The following FAM120B variants were observed in gnomAD, a reference collection of about 807,000 sequenced individuals.
The protein encoded by FAM120B is family with sequence similarity 120 member B.
Under a neutral mutation model 96.3 loss-of-function variants are expected in FAM120B, and 83 were observed. The observed-to-expected ratio is 0.86, with a 90% CI of 0.72 to 1.03. The LOEUF (loss-of-function observed/expected upper bound fraction) is 1.03, where lower values mean the gene tolerates loss of function less well. FAM120B is among the 50% of genes least tolerant of loss of function. The pLI, the probability that FAM120B is intolerant of heterozygous loss-of-function variation, is 0.00. For synonymous variants in FAM120B, 407 were observed against 402.7 expected (o/e 1.01, Z -0.13); for missense variants, 1,027 against 1,121.2 (o/e 0.92, Z 1.20).
rs1377074628 is a variant in FAM120B, at chr6:170,317,646, A to T, written c.256A>T (p.Ile86Leu). The change falls in exon 2 of 11, where the codon ATA (isoleucine) becomes TTA (leucine). Residue 86 changes from isoleucine to leucine, a missense_variant. Physicochemically the swap from Ile to Leu is conservative, Grantham distance 5. This residue lies in a region of FAM120B where 880 missense variants were observed against 980.9 expected (regional missense o/e 0.90). Coordinates refer to ENST00000476287, the MANE Select transcript of FAM120B (RefSeq NM_032448.3). ...KTFTAAGIKLIFFFDGMVEQD... is the reference protein window; with the variant it reads ...KTFTAAGIKLLFFFDGMVEQD... ...TTTTACGGCAGCTGGGATCAAGTTG[A>T]TATTCTTCTTTGATGGCATGGTGGA... is the stretch of plus-strand genomic sequence containing the variant. 1 of 1,614,162 alleles carries T rather than the reference A, an allele frequency of 6.2e-7. No homozygotes were observed. Among genetic ancestry groups the T allele is most frequent in the East Asian group, 2.2e-5 (1 of 44,880 alleles).
At chr6:170,382,893 T>A (rs537749081) in intron 6 of FAM120B, among the ~76,000 whole-genome samples, 2 of 152,330 alleles carry the variant, frequency 1.3e-5, no homozygotes, top group South Asian at 4.1e-4. Flanking sequence ...TTTGATAACA[T>A]ACCTTGCTAT....
At chr6:170,338,830 A>AATGTAATGCATT (rs1786616068) in intron 4 of FAM120B, among the ~76,000 whole-genome samples, 1 of 146,180 alleles carries the variant, frequency 6.8e-6, no homozygotes, top group African/African-American at 2.5e-5. Flanking sequence ...ATTAGAGACT[A>AATGTAATGCATT]GCATTGCAAC....
chr6:170,395,366 C>T, intron 8 of FAM120B, 121 bp from the exon 9 acceptor site: 2 of 778,562 alleles, frequency 2.6e-6, no homozygotes, highest in Admixed American at 2.2e-5. Context: ...CATGACCCTC[C>T]CTCTGATTTA....
chr6:170,395,891 T>C (rs1790699101), intron 9 of FAM120B, among the ~76,000 whole-genome samples: 2 of 152,216 alleles, frequency 1.3e-5, no homozygotes, highest in African/African-American at 4.8e-5. Context: ...GAAGATCCAT[T>C]GTTCTCATGA....
intron 6 of FAM120B, among the ~76,000 whole-genome samples, chr6:170,364,636 C>T (rs2115219171): frequency 6.6e-6 from 1 of 152,346 alleles, no homozygotes; most frequent in East Asian, 1.9e-4. Context: ...GACAAAGCCC[C>T]ATCTTTGCAG....
chr6:170,344,344 G>A (rs1051540771), intron 4 of FAM120B, among the ~76,000 whole-genome samples: 2 of 123,170 alleles, frequency 1.6e-5, no homozygotes, highest in Non-Finnish European at 1.7e-5. Flanking sequence ...TTGGAAGAAC[G>A]GATGAAATCG....
chr6:170,370,866 G>T lies in FAM120B; in HGVS notation c.2283+12548G>T, dbSNP rs752057881. Among the ~76,000 whole-genome samples, 5 of 152,154 alleles carry T rather than the reference G, an allele frequency of 3.3e-5. No homozygotes were observed. Among genetic ancestry groups the T allele is most frequent in the Non-Finnish European group, 7.3e-5 (5 of 68,032 alleles). ...GCGTCTCTAACAGACGGGAGATACTGCAGTAGAATTTGCAGCACTTGGCCC... is the reference window on the plus strand; with the variant it reads ...GCGTCTCTAACAGACGGGAGATACTTCAGTAGAATTTGCAGCACTTGGCCC... On this transcript the variant is annotated intron_variant, in intron 6 of 10. Transcript: ENST00000476287. The surrounding 1 kb of genome is among the most constrained non-coding windows in gnomAD (Gnocchi z 4.3).
At chr6:170,327,298 G>T (rs973798152) in intron 3 of FAM120B, among the ~76,000 whole-genome samples, 6 of 151,476 alleles carry the variant, frequency 4.0e-5, no homozygotes, top group Middle Eastern at 3.5e-3. Context: ...CGCCCACCTC[G>T]GCCTCCCAAA....
At chr6:170,400,965 C>A (rs574841139) in intron 9 of FAM120B, among the ~76,000 whole-genome samples, 48 of 152,190 alleles carry the variant, frequency 3.2e-4, no homozygotes, top group Non-Finnish European at 6.2e-4. Flanking sequence ...ACAGGAGCAT[C>A]TTTAAACTAG....
intron 6 of FAM120B, among the ~76,000 whole-genome samples, chr6:170,364,416 G>T (rs1788648321): frequency 6.6e-6 from 1 of 152,174 alleles, no homozygotes; most frequent in African/African-American, 2.4e-5. Flanking sequence ...AGGGTTTTCA[G>T]TTTCCCTTCT....
At chr6:170,385,119 A>G (rs1481258527) in intron 6 of FAM120B, among the ~76,000 whole-genome samples, 6 of 152,220 alleles carry the variant, frequency 3.9e-5, no homozygotes, top group Non-Finnish European at 8.8e-5. Flanking sequence ...GCAAATTTCA[A>G]ACAATTGAAA....
intron 3 of FAM120B, 38 bp downstream of exon 3, chr6:170,323,297 T>C: frequency 1.3e-6 from 2 of 1,554,760 alleles, no homozygotes; most frequent in Non-Finnish European, 8.7e-7. Context: ...AAGGTTCTAT[T>C]TGGAGTTGAG....
At chr6:170,299,369 A>G (rs935143124) in intron 1 of FAM120B, among the ~76,000 whole-genome samples, 3 of 152,166 alleles carry the variant, frequency 2.0e-5, no homozygotes, top group Non-Finnish European at 4.4e-5. Flanking sequence ...CTGTAGTGAC[A>G]CTGTCTTCCA....
chr6:170,366,604 G>A (rs959129255), intron 6 of FAM120B, among the ~76,000 whole-genome samples: 2 of 152,204 alleles, frequency 1.3e-5, no homozygotes, highest in South Asian at 2.1e-4. Context: ...GAGGGGTGGA[G>A]TGGAGAGAGC....
chr6:170,333,987 C>T (rs1361025021), intron 4 of FAM120B, among the ~76,000 whole-genome samples: 1 of 152,176 alleles, frequency 6.6e-6, no homozygotes, highest in Non-Finnish European at 1.5e-5. Flanking sequence ...GCTCTCACTC[C>T]CTTACTAACT....
At chr6:170,309,303 G>A (rs1401583420) in intron 1 of FAM120B, among the ~76,000 whole-genome samples, 2 of 152,136 alleles carry the variant, frequency 1.3e-5, no homozygotes, top group East Asian at 1.9e-4. Context: ...GAATTTTTTA[G>A]TAGTAGTTTT....
At chr6:170,401,794 G>A (rs1778596428) in intron 9 of FAM120B, among the ~76,000 whole-genome samples, 2 of 152,180 alleles carry the variant, frequency 1.3e-5, no homozygotes, top group Admixed American at 6.5e-5. Context: ...CTGAACCCCG[G>A]TAAGTATAAT....
chr6:170,323,330 A>G, intron 3 of FAM120B, 71 bp downstream of exon 3: 12 of 1,268,502 alleles, frequency 9.5e-6, no homozygotes, highest in Non-Finnish European at 1.3e-5. Context: ...GGCCAGATGA[A>G]ATAGAGTGCA....
At chr6:170,368,337 G>GTC (rs1428994587) in intron 6 of FAM120B, among the ~76,000 whole-genome samples, 1 of 152,164 alleles carries the variant, frequency 6.6e-6, no homozygotes, top group African/African-American at 2.4e-5. Flanking sequence ...TGATAAGCAG[G>GTC]TATGCCATGT....
Sources: allele counts gnomAD v4.1 joint callset (sites outside exome capture counted in the v4.1 genomes callset), GRCh38; gene constraint gnomAD v4.1.1; regional missense constraint gnomAD v4.1.1; non-coding constraint Gnocchi (gnomAD v3.1); transcripts MANE v1.5; gene names NCBI Gene and HGNC (gene_info 2026-07-23, HGNC 2026-07-21).